The following PRKCE variants were observed in gnomAD, a reference collection of about 807,000 sequenced individuals.
The protein encoded by PRKCE is protein kinase C epsilon type.
A neutral mutation model predicts 85.4 loss-of-function variants in PRKCE; 16 were observed. The observed-to-expected ratio is 0.19, with a 90% CI of 0.13 to 0.28. PRKCE has a LOEUF of 0.28. PRKCE is among the 10% of genes least tolerant of loss of function. PRKCE has a pLI of 1.00. For missense variants in PRKCE, 573 were observed against 975.2 expected (o/e 0.59, Z 5.49); for synonymous variants, 388 against 371.5 (o/e 1.04, Z -0.51).
At chr2:46,178,902 G>A (rs1416647013) in intron 14 of PRKCE, among the ~76,000 whole-genome samples, 1 of 152,150 alleles carries the variant, frequency 6.6e-6, no homozygotes, top group African/African-American at 2.4e-5. Context: ...GGAGCCGGGA[G>A]GAGGGCAGGG....
chr2:45,803,689 A>G (rs1415244183), intron 1 of PRKCE, among the ~76,000 whole-genome samples: 1 of 152,202 alleles, frequency 6.6e-6, no homozygotes, highest in African/African-American at 2.4e-5. Flanking sequence ...CTCAGCGGTA[A>G]TGAGTACTGG....
rs770253325 is a variant in PRKCE at position 45,895,771 on chromosome 2, G to C, written c.412+52708G>C. ...CAATCTCAGTGCAGTAGGAAAGCAG[G>C]AATCAGCTCAGTGAGGCAGGAATCT... is the stretch of plus-strand genomic sequence containing the variant. On this transcript the variant is annotated intron_variant, in intron 2 of 14. Coordinates refer to ENST00000306156, the MANE Select transcript of PRKCE (RefSeq NM_005400.3). The surrounding 1 kb of genome is among the most constrained non-coding windows in gnomAD (Gnocchi z 4.8). Among the ~76,000 whole-genome samples the C allele has an allele frequency of 3.9e-5, 6 of 151,944 alleles. No homozygotes were observed. The highest frequency in any genetic ancestry group is 5.9e-5 in the Non-Finnish European group (4 of 68,028).
At chr2:45,788,899 G>A (rs1023011860) in intron 1 of PRKCE, among the ~76,000 whole-genome samples, 1 of 152,118 alleles carries the variant, frequency 6.6e-6, no homozygotes, top group African/African-American at 2.4e-5. Flanking sequence ...TACACCATTG[G>A]TCCTCAACTC....
At chr2:45,808,767 G>A (rs1688441763) in intron 1 of PRKCE, among the ~76,000 whole-genome samples, 2 of 152,296 alleles carry the variant, frequency 1.3e-5, no homozygotes, top group South Asian at 2.1e-4. Context: ...AGTCTCAGAT[G>A]GGGAATCTGA....
chr2:45,863,755 T>A (rs1693356864), intron 2 of PRKCE, among the ~76,000 whole-genome samples: 1 of 151,966 alleles, frequency 6.6e-6, no homozygotes, highest in African/African-American at 2.4e-5. Context: ...TGGCTCTTTT[T>A]TGCTAGGGGG....
At chr2:45,806,742 T>C (rs1688271459) in intron 1 of PRKCE, among the ~76,000 whole-genome samples, 1 of 152,128 alleles carries the variant, frequency 6.6e-6, no homozygotes, top group Admixed American at 6.5e-5. Flanking sequence ...CCTTAATTGT[T>C]CTCAGGATGA....
At chr2:45,873,785 G>A (rs766368152) in intron 2 of PRKCE, among the ~76,000 whole-genome samples, 1 of 152,202 alleles carries the variant, frequency 6.6e-6, no homozygotes, top group African/African-American at 2.4e-5. Context: ...CTCCCTGTGA[G>A]CCTCAACCTG....
chr2:45,708,174 T>C (rs1679278668), intron 1 of PRKCE, among the ~76,000 whole-genome samples: 2 of 73,772 alleles, frequency 2.7e-5, no homozygotes, highest in African/African-American at 1.4e-4. Flanking sequence ...AATGTCTTCC[T>C]GGGCAGAGCA....
intron 2 of PRKCE, among the ~76,000 whole-genome samples, chr2:45,867,412 A>G (rs1177124727): frequency 2.6e-5 from 4 of 152,236 alleles, no homozygotes; most frequent in African/African-American, 7.2e-5. Context: ...TAAATATACT[A>G]CAAGGTTATT....
chr2:46,156,662 C>T (rs1677238419), intron 13 of PRKCE, among the ~76,000 whole-genome samples: 1 of 152,244 alleles, frequency 6.6e-6, no homozygotes, highest in African/African-American at 2.4e-5. Context: ...AGGAAGGGCA[C>T]GTCACCCAGT....
intron 1 of PRKCE, among the ~76,000 whole-genome samples, chr2:45,734,898 C>T (rs1392316356): frequency 1.3e-5 from 2 of 152,238 alleles, no homozygotes; most frequent in Non-Finnish European, 2.9e-5. Flanking sequence ...TGAGACAGTT[C>T]TCCAAGTCCA....
intron 2 of PRKCE, among the ~76,000 whole-genome samples, chr2:45,904,151 T>C (rs953407981): frequency 3.9e-5 from 6 of 152,052 alleles, no homozygotes; most frequent in African/African-American, 1.4e-4. Flanking sequence ...TGATCTGCCC[T>C]CCTCGGCCTC....
chr2:45,710,204 G>A (rs1041640297), intron 1 of PRKCE, among the ~76,000 whole-genome samples: 3 of 152,216 alleles, frequency 2.0e-5, no homozygotes, highest in African/African-American at 7.2e-5. Context: ...ACCTGATGAT[G>A]TAGGTACTAT....
Position 46,159,463 on chromosome 2 carries a change from AC to A in PRKCE, c.1921-142del. 3 of 782,664 alleles carry A rather than the reference AC, an allele frequency of 3.8e-6. No homozygotes were observed. The highest frequency in any genetic ancestry group is 3.9e-6 in the Non-Finnish European group (2 of 509,246). 48.5% of individuals were successfully genotyped at this position (782,664 alleles called of 1,614,324 possible). A position where few individuals can be genotyped will look rare whatever the true frequency, so the allele number is the denominator to read the frequency against. ...CTATGTAAGAGTTAAAGAAAACCCA[AC>A]AGATGTGGCCCTTGAAAGTGCAAAG... On this transcript the variant is annotated intron_variant, in intron 13 of 14. Transcript: ENST00000306156. This position sits in a 1 kb window ranked among gnomAD's most constrained non-coding sequence, Gnocchi z 4.1.
intron 1 of PRKCE, among the ~76,000 whole-genome samples, chr2:45,821,069 G>C (rs2105332816): frequency 6.6e-6 from 1 of 152,304 alleles, no homozygotes; most frequent in Non-Finnish European, 1.5e-5. Context: ...GGAGGTGGAG[G>C]AGGCTCTTGG....
At chr2:45,841,530 G>A (rs776144889) in intron 1 of PRKCE, among the ~76,000 whole-genome samples, 12 of 152,346 alleles carry the variant, frequency 7.9e-5, no homozygotes, top group South Asian at 6.2e-4. Context: ...TTCTAGCCAC[G>A]CTGGCAGCTG....
In PRKCE at chr2:46,004,387, A is replaced by G. The variant is rs1704986304; in HGVS notation, c.967-155A>G. The G allele has an allele frequency of 1.5e-6, 1 of 645,966 alleles. No homozygotes were observed. Among genetic ancestry groups the G allele is most frequent in the Non-Finnish European group, 2.7e-6 (1 of 373,538 alleles). The allele number at this position is 645,966 out of a possible 1,614,324, so 40.0% of individuals were successfully genotyped here. A position where few individuals can be genotyped will look rare whatever the true frequency, so the allele number is the denominator to read the frequency against. Reference sequence around the variant, plus strand: ...AGAGGGATCGAACTTCATTTTGGCTACTTTGGCGATGGCTGCAAGAGGACA... The same window carrying G: ...AGAGGGATCGAACTTCATTTTGGCTGCTTTGGCGATGGCTGCAAGAGGACA... On this transcript the variant is annotated intron_variant, in intron 7 of 14. Transcript: ENST00000306156. This position sits in a 1 kb window ranked among gnomAD's most constrained non-coding sequence, Gnocchi z 4.1.
chr2:46,021,268 C>G (rs1277136087), intron 10 of PRKCE, among the ~76,000 whole-genome samples: 2 of 152,132 alleles, frequency 1.3e-5, no homozygotes, highest in African/African-American at 4.8e-5. Context: ...TCTTACTCTG[C>G]TAGGCAAGGA....
In PRKCE at chr2:45,869,702, C is replaced by CTT. The variant is rs201819838; in HGVS notation, c.412+26640_412+26641insTT. Among the ~76,000 whole-genome samples the CTT allele has an allele frequency of 2.3e-3, 287 of 122,446 alleles. 3 individuals are homozygous for CTT. The highest frequency in any genetic ancestry group is 6.9e-3 in the East Asian group (22 of 3,192). The allele number at this position is 122,446 out of a possible 152,430, so 80.3% of individuals were successfully genotyped here. Reference sequence around the variant, plus strand: ...TTTTTGTTTTTGTTTTTGTTTCTCTCTCTCTTTTTTTTTTTTTTTTTTTGA... The same window carrying CTT: ...TTTTTGTTTTTGTTTTTGTTTCTCTCTTTCTCTTTTTTTTTTTTTTTTTTTGA... On this transcript the variant is annotated intron_variant, in intron 2 of 14. Coordinates refer to ENST00000306156, the MANE Select transcript of PRKCE (RefSeq NM_005400.3).
Sources: allele counts gnomAD v4.1 joint callset (sites outside exome capture counted in the v4.1 genomes callset), GRCh38; gene constraint gnomAD v4.1.1; non-coding constraint Gnocchi (gnomAD v3.1); transcripts MANE v1.5; gene names NCBI Gene and HGNC (gene_info 2026-07-23, HGNC 2026-07-21).